SCFD2: variants seen among roughly 807,000 people sequenced by gnomAD.
The protein encoded by SCFD2 is sec1 family domain-containing protein 2.
SCFD2 carries 54 observed loss-of-function variants against 58.9 expected under a neutral mutation model. The observed-to-expected ratio is 0.92, with a 90% CI of 0.74 to 1.15. The LOEUF (loss-of-function observed/expected upper bound fraction) is 1.15. Ranked by LOEUF, SCFD2 falls within the 50% of genes most tolerant of loss-of-function variation. The pLI is 0.00. For synonymous variants in SCFD2, 321 were observed against 335.9 expected (o/e 0.96, Z 0.49); for missense variants, 805 against 836.6 (o/e 0.96, Z 0.47).
intron 3 of SCFD2, among the ~76,000 whole-genome samples, chr4:53,302,901 TAG>T (rs1732365737): frequency 6.6e-6 from 1 of 152,152 alleles, no homozygotes; most frequent in Admixed American, 6.6e-5. Context: ...TGGCCATATA[TAG>T]AGAGCTGAAA....
At chr4:53,146,024 T>C (rs1291702128) in intron 4 of SCFD2, among the ~76,000 whole-genome samples, 1 of 152,220 alleles carries the variant, frequency 6.6e-6, no homozygotes, top group East Asian at 1.9e-4. Flanking sequence ...GCATATTCTT[T>C]ATAATAGTTT....
intron 7 of SCFD2, among the ~76,000 whole-genome samples, chr4:52,902,466 G>T (rs1243784973): frequency 2.0e-5 from 3 of 152,170 alleles, no homozygotes; most frequent in Non-Finnish European, 2.9e-5. Flanking sequence ...TCTTTGGGGG[G>T]CAGTGTATCT....
chr4:52,971,657 T>C (rs893124596), intron 5 of SCFD2, among the ~76,000 whole-genome samples: 10 of 152,078 alleles, frequency 6.6e-5, no homozygotes, highest in Admixed American at 1.3e-4. Context: ...ATTCAGGAAA[T>C]ACAGGGAACG....
chr4:53,098,102 G>T (rs550038191), intron 5 of SCFD2, among the ~76,000 whole-genome samples: 3 of 152,176 alleles, frequency 2.0e-5, no homozygotes, highest in Non-Finnish European at 4.4e-5. Flanking sequence ...TTGATGTGCT[G>T]CTGGATTTGG....
intron 4 of SCFD2, among the ~76,000 whole-genome samples, chr4:53,211,815 T>G (rs1415321526): frequency 2.0e-5 from 3 of 152,124 alleles, no homozygotes; most frequent in Non-Finnish European, 4.4e-5. Flanking sequence ...TCCATTTTAT[T>G]TCTAAGATGG....
At chr4:52,923,286 G>C (rs138380526) in intron 5 of SCFD2, among the ~76,000 whole-genome samples, 2,032 of 152,074 alleles carry the variant, frequency 0.013, 42 homozygotes, top group African/African-American at 0.044. Context: ...AGACCAGCCT[G>C]GCCAACATGG....
chr4:53,105,614 C>T (rs1724971329), intron 5 of SCFD2, among the ~76,000 whole-genome samples: 1 of 152,222 alleles, frequency 6.6e-6, no homozygotes, highest in Non-Finnish European at 1.5e-5. Flanking sequence ...CGCAAAGCCG[C>T]AGTAGTCAGA....
chr4:53,364,697 C>T (rs1227871361), intron 1 of SCFD2, among the ~76,000 whole-genome samples: 1 of 149,694 alleles, frequency 6.7e-6, no homozygotes, highest in East Asian at 2.0e-4. Context: ...GTTTTCCTTC[C>T]GCTGGGTCAT....
Position 53,313,653 on chromosome 4 carries a change from G to T in SCFD2, c.1118C>A (p.Pro373Gln), listed in dbSNP as rs1732759557. ...LVEAASRENL[P>Q]IKMSMGRVTP... is the part of the protein sequence containing the mutation. The stretch of plus-strand genomic sequence containing the variant: ...AGGCTTACCCATACTCATCTTGATT[G>T]GCAGGTTTTCTCTGCTTGCCGCTTC... The change falls in exon 3 of 9, where the codon CCA (proline) becomes CAA (glutamine). Residue 373 changes from proline to glutamine, a missense_variant. Physicochemically the swap from Pro to Gln is moderately conservative, Grantham distance 76. Coordinates refer to ENST00000401642, the MANE Select transcript of SCFD2 (RefSeq NM_152540.4). 6.2e-7 allele frequency: 1 copy of T among 1,613,778 alleles called. No homozygotes were observed.
At chr4:53,052,571 T>A (rs904370812) in intron 5 of SCFD2, among the ~76,000 whole-genome samples, 6 of 152,218 alleles carry the variant, frequency 3.9e-5, no homozygotes, top group Non-Finnish European at 5.9e-5. Context: ...GTTTGCGATC[T>A]TAAATTTTCC....
intron 4 of SCFD2, among the ~76,000 whole-genome samples, chr4:53,234,183 A>G (rs947825513): frequency 9.2e-5 from 14 of 152,200 alleles, no homozygotes; most frequent in African/African-American, 3.1e-4. Context: ...CCAAAAAAAA[A>G]TATTTGTTTC....
intron 4 of SCFD2, among the ~76,000 whole-genome samples, chr4:53,203,940 AT>A (rs1480712970): frequency 6.6e-6 from 1 of 152,188 alleles, no homozygotes; most frequent in Non-Finnish European, 1.5e-5. Context: ...CTTGAGAATT[AT>A]TAACTGAATG....
At chr4:52,981,869 A>G (rs1294042299) in intron 5 of SCFD2, among the ~76,000 whole-genome samples, 3 of 152,184 alleles carry the variant, frequency 2.0e-5, no homozygotes, top group Non-Finnish European at 4.4e-5. Context: ...TAAATACACT[A>G]CTACTGTTGG....
At chr4:52,878,419 AG>A (rs1718531341) in intron 8 of SCFD2, among the ~76,000 whole-genome samples, 1 of 152,216 alleles carries the variant, frequency 6.6e-6, no homozygotes, top group African/African-American at 2.4e-5. Context: ...AAGAGCAAGC[AG>A]GATCATACTG....
chr4:53,063,166 C>T (rs1419076620), intron 5 of SCFD2, among the ~76,000 whole-genome samples: 1 of 152,132 alleles, frequency 6.6e-6, no homozygotes, highest in Non-Finnish European at 1.5e-5. Flanking sequence ...TTAGAAATTT[C>T]ATCTTCTTCA....
At chr4:53,072,227 A>G (rs1269121768) in intron 5 of SCFD2, among the ~76,000 whole-genome samples, 2 of 152,162 alleles carry the variant, frequency 1.3e-5, no homozygotes, top group Non-Finnish European at 2.9e-5. Flanking sequence ...ACTGTTAGCA[A>G]TCCAGGCTCT....
At chr4:53,003,785 TA>T (rs1043322748) in intron 5 of SCFD2, among the ~76,000 whole-genome samples, 1 of 152,202 alleles carries the variant, frequency 6.6e-6, no homozygotes, top group African/African-American at 2.4e-5. Flanking sequence ...GCTACAACTC[TA>T]AGGAGGACAG....
chr4:53,221,894 G>A (rs1036684060), intron 4 of SCFD2, among the ~76,000 whole-genome samples: 1 of 152,160 alleles, frequency 6.6e-6, no homozygotes, highest in African/African-American at 2.4e-5. Context: ...ACAAGAAGAG[G>A]CAACAGAGGA....
At chr4:52,971,849 G>A (rs1011570702) in intron 5 of SCFD2, among the ~76,000 whole-genome samples, 16 of 152,186 alleles carry the variant, frequency 1.1e-4, no homozygotes, top group African/African-American at 3.6e-4. Context: ...AGAAGAGAGT[G>A]GGGGCCAATA....
Sources: gnomAD v4.1 joint callset for allele counts (sites outside exome capture counted in the v4.1 genomes callset) on GRCh38, gnomAD v4.1.1 for gene constraint, MANE v1.5 for transcripts, NCBI Gene and HGNC (gene_info 2026-07-23, HGNC 2026-07-21) for gene names.